STK31: variants seen among roughly 807,000 people sequenced by gnomAD.
The protein encoded by STK31 is serine/threonine kinase 31.
A neutral mutation model predicts 129.7 loss-of-function variants in STK31; 89 were observed. That is an observed-to-expected ratio of 0.69 (90% confidence interval 0.58 to 0.82). The LOEUF (loss-of-function observed/expected upper bound fraction) is 0.82. STK31 is among the 40% of genes least tolerant of loss of function. The pLI, the probability that STK31 is intolerant of heterozygous loss-of-function variation, is 0.00. For missense variants in STK31, 1,187 were observed against 1,176.4 expected (o/e 1.01, Z -0.13); for synonymous variants, 448 against 395.3 (o/e 1.13, Z -1.58).
chr7:23,822,772 G>A (rs1459045416), intron 23 of STK31, among the ~76,000 whole-genome samples: 2 of 152,204 alleles, frequency 1.3e-5, no homozygotes, highest in South Asian at 4.1e-4. Flanking sequence ...ACAGTCCCCG[G>A]TATGTGATGT....
At chr7:23,710,455 T>C in intron 1 of STK31, 120 bp downstream of exon 1, 1 of 1,567,244 alleles carries the variant, frequency 6.4e-7, no homozygotes. Flanking sequence ...TTCTGTCACC[T>C]TCTAGCCGCC....
chr7:23,772,989 C>T (rs141816774), intron 15 of STK31, among the ~76,000 whole-genome samples: 126 of 152,190 alleles, frequency 8.3e-4, no homozygotes, highest in African/African-American at 1.6e-3. Flanking sequence ...TAGTTTTATT[C>T]TATTCTGGGC....
intron 6 of STK31, among the ~76,000 whole-genome samples, chr7:23,729,825 T>G (rs1787297110): frequency 6.6e-6 from 1 of 152,194 alleles, no homozygotes; most frequent in Admixed American, 6.6e-5. Context: ...TAGTCTCTTA[T>G]ATGATGGAGA....
intron 3 of STK31, among the ~76,000 whole-genome samples, chr7:23,716,929 G>T (rs1786367410): frequency 6.7e-6 from 1 of 150,326 alleles, no homozygotes; most frequent in Admixed American, 6.6e-5. Context: ...TGTGTAGTTG[G>T]AACTATAGGT....
At chr7:23,734,840 C>T (rs1438774908) in intron 6 of STK31, among the ~76,000 whole-genome samples, 1 of 152,052 alleles carries the variant, frequency 6.6e-6, no homozygotes, top group East Asian at 1.9e-4. Context: ...TGGTGTGTGC[C>T]AGTAGTCCCG....
chr7:23,754,842 T>C (rs1788955729), intron 10 of STK31, among the ~76,000 whole-genome samples: 1 of 152,264 alleles, frequency 6.6e-6, no homozygotes, highest in Non-Finnish European at 1.5e-5. Flanking sequence ...TTCCTTTTTA[T>C]GGCTGCATAG....
intron 5 of STK31, chr7:23,727,683 CT>C (rs1206497814): frequency 5.5e-6 from 1 of 182,254 alleles, no homozygotes; most frequent in South Asian, 1.2e-4. Flanking sequence ...CTGCCTCAGC[CT>C]CCCAAGTAGC....
chr7:23,804,343 C>T (rs543680023), intron 22 of STK31, among the ~76,000 whole-genome samples: 44 of 152,100 alleles, frequency 2.9e-4, no homozygotes, highest in Non-Finnish European at 5.0e-4. Flanking sequence ...TTCTACCACT[C>T]GAGTGGAAGC....
At chr7:23,778,060 G>A (rs1157687889) in intron 15 of STK31, among the ~76,000 whole-genome samples, 1 of 152,130 alleles carries the variant, frequency 6.6e-6, no homozygotes, top group Non-Finnish European at 1.5e-5. Flanking sequence ...GCATTTGCTT[G>A]TCTATAAAGG....
chr7:23,752,790 T>A lies in STK31; in HGVS notation c.1091T>A (p.Met364Lys). The change falls in exon 9 of 24, where the codon ATG becomes AAG. Residue 364 changes from methionine to lysine, a missense_variant. Physicochemically the swap from Met to Lys is moderately conservative, Grantham distance 95 (BLOSUM62 -1). Coordinates refer to ENST00000355870, the MANE Select transcript of STK31 (RefSeq NM_031414.5). ...YTLKTYIDTR[M>K]KNLAAKMEIL... ...CTGAAGACCTATATAGATACCAGAA[T>A]GAAAAATCTGGCAGCTAAGATGGAA... 6.2e-7 allele frequency: 1 copy of A among 1,613,270 alleles called. No homozygotes were observed. The highest frequency in any genetic ancestry group is 8.5e-7 in the Non-Finnish European group (1 of 1,179,662).
At chr7:23,826,464 C>T (rs1441168027) in intron 23 of STK31, among the ~76,000 whole-genome samples, 1 of 152,128 alleles carries the variant, frequency 6.6e-6, no homozygotes, top group Non-Finnish European at 1.5e-5. Flanking sequence ...GATCTTCCTC[C>T]ATCCCTTTAT....
chr7:23,828,151 G>T (rs376776708), intron 23 of STK31, among the ~76,000 whole-genome samples: 1 of 152,188 alleles, frequency 6.6e-6, no homozygotes, highest in African/African-American at 2.4e-5. Flanking sequence ...GTCTGCAGAG[G>T]TTATTGCTGT....
chr7:23,816,776 T>G (rs959414197), intron 23 of STK31, among the ~76,000 whole-genome samples: 1 of 152,220 alleles, frequency 6.6e-6, no homozygotes, highest in Non-Finnish European at 1.5e-5. Flanking sequence ...TATCCCATAG[T>G]TTTTGATAGT....
chr7:23,761,070 A>C (rs944883214), intron 10 of STK31, among the ~76,000 whole-genome samples: 1 of 149,256 alleles, frequency 6.7e-6, no homozygotes, highest in Non-Finnish European at 1.5e-5. Context: ...ATACTTCTTA[A>C]TGTATTTTCA....
chr7:23,715,208 T>G (rs1163151806), intron 3 of STK31, among the ~76,000 whole-genome samples: 1 of 17,902 alleles, frequency 5.6e-5, no homozygotes, highest in Non-Finnish European at 1.0e-4. Context: ...GTATTCTCCA[T>G]TTTTTTTTGC....
intron 8 of STK31, among the ~76,000 whole-genome samples, chr7:23,751,840 C>T (rs2128092363): frequency 6.6e-6 from 1 of 152,026 alleles, no homozygotes; most frequent in East Asian, 1.9e-4. Context: ...AAAATACTCC[C>T]TGTGCCAAAG....
chr7:23,725,178 A>G (rs1301888335), intron 4 of STK31, among the ~76,000 whole-genome samples: 1 of 151,748 alleles, frequency 6.6e-6, no homozygotes, highest in South Asian at 2.1e-4. Flanking sequence ...AAGATTTCCA[A>G]CTCTCCATAA....
chr7:23,735,498 A>G (rs1176449188), intron 6 of STK31, 40 bp from the exon 7 acceptor site: 1 of 1,495,348 alleles, frequency 6.7e-7, no homozygotes, highest in African/African-American at 1.4e-5. Flanking sequence ...GGGAAGAGAA[A>G]CATGTTGGTG....
At chr7:23,767,812 T>G (rs1027303678) in intron 11 of STK31, among the ~76,000 whole-genome samples, 16 of 152,206 alleles carry the variant, frequency 1.1e-4, no homozygotes, top group African/African-American at 3.6e-4. Flanking sequence ...ACAGTCCTTC[T>G]TTCACTTGTA....
Sources: gnomAD v4.1 joint callset for allele counts (sites outside exome capture counted in the v4.1 genomes callset) on GRCh38, gnomAD v4.1.1 for gene constraint, MANE v1.5 for transcripts, NCBI Gene and HGNC (gene_info 2026-07-23, HGNC 2026-07-21) for gene names.